The following KCTD8 variants were observed in gnomAD, a reference collection of about 807,000 sequenced individuals.
The protein encoded by KCTD8 is potassium channel tetramerization domain containing 8, also known as BTB/POZ domain-containing protein KCTD8.
KCTD8 carries 27 observed loss-of-function variants against 31.5 expected under a neutral mutation model. That is an observed-to-expected ratio of 0.86 (90% CI 0.63 to 1.18). The LOEUF is 1.18. Among genes scored for constraint, KCTD8 ranks in the 50% most tolerant of loss-of-function variants. The pLI is 0.00. For synonymous variants in KCTD8, 290 were observed against 280.0 expected (o/e 1.04, Z -0.36); for missense variants, 658 against 647.7 (o/e 1.02, Z -0.17).
intron 1 of KCTD8, among the ~76,000 whole-genome samples, chr4:44,328,921 T>C (rs1718522453): frequency 6.6e-6 from 1 of 151,902 alleles, no homozygotes; most frequent in Non-Finnish European, 1.5e-5. Context: ...CCAGTCCCCA[T>C]TCGGTAGACA....
chr4:44,203,622 G>A (rs1405150290), intron 1 of KCTD8, among the ~76,000 whole-genome samples: 1 of 150,018 alleles, frequency 6.7e-6, no homozygotes, highest in Admixed American at 6.7e-5. Context: ...ATGAAAGAAA[G>A]GCAGAAAATA....
chr4:44,432,700 A>C (rs12502623), intron 1 of KCTD8, among the ~76,000 whole-genome samples: 68,928 of 151,366 alleles, frequency 0.46, 17,128 homozygotes, highest in South Asian at 0.64. Context: ...GGTCAATCCC[A>C]TTATCTTCCC....
intron 1 of KCTD8, among the ~76,000 whole-genome samples, chr4:44,405,838 A>T (rs1720781529): frequency 6.6e-6 from 1 of 151,304 alleles, no homozygotes; most frequent in African/African-American, 2.4e-5. Context: ...AAAAAAAAAA[A>T]AAAAAGCAAT....
intron 1 of KCTD8, among the ~76,000 whole-genome samples, chr4:44,283,721 G>C (rs1716974338): frequency 6.6e-6 from 1 of 152,022 alleles, no homozygotes; most frequent in East Asian, 1.9e-4. Flanking sequence ...TTTATATTTA[G>C]AAAACTCCAT....
intron 1 of KCTD8, among the ~76,000 whole-genome samples, chr4:44,213,279 TG>T (rs1403302602): frequency 2.6e-5 from 4 of 152,172 alleles, no homozygotes; most frequent in Non-Finnish European, 1.5e-5. Flanking sequence ...ATTTTATTTT[TG>T]TTTCATATTT....
intron 1 of KCTD8, among the ~76,000 whole-genome samples, chr4:44,242,433 C>G (rs1715530918): frequency 6.6e-6 from 1 of 151,980 alleles, no homozygotes. Context: ...AAAAAATTAG[C>G]TGGGCGCGGT....
At chr4:44,304,466 C>A (rs1358455026) in intron 1 of KCTD8, among the ~76,000 whole-genome samples, 3 of 152,142 alleles carry the variant, frequency 2.0e-5, no homozygotes. Context: ...TCCACACTTA[C>A]TACGCCCCTG....
chr4:44,341,780 CA>C (rs1718904833), intron 1 of KCTD8, among the ~76,000 whole-genome samples: 1 of 152,140 alleles, frequency 6.6e-6, no homozygotes, highest in African/African-American at 2.4e-5. Context: ...CAACTTCTTC[CA>C]AACTCCTGTT....
At chr4:44,228,549 T>C (rs949413583) in intron 1 of KCTD8, among the ~76,000 whole-genome samples, 2 of 152,224 alleles carry the variant, frequency 1.3e-5, no homozygotes, top group African/African-American at 4.8e-5. Flanking sequence ...AACACAAGTT[T>C]TTCCTGCTTC....
chr4:44,406,508 T>G (rs550579448), intron 1 of KCTD8, among the ~76,000 whole-genome samples: 92 of 152,260 alleles, frequency 6.0e-4, no homozygotes, highest in African/African-American at 2.2e-3. Flanking sequence ...TGCCACCATG[T>G]AAGAAGTGCC....
intron 1 of KCTD8, among the ~76,000 whole-genome samples, chr4:44,307,599 C>A (rs1717839531): frequency 6.6e-6 from 1 of 151,910 alleles, no homozygotes; most frequent in South Asian, 2.1e-4. Context: ...GCTTTTATTT[C>A]TTTTTTAAGT....
chr4:44,363,482 C>T (rs896366289), intron 1 of KCTD8, among the ~76,000 whole-genome samples: 15 of 152,056 alleles, frequency 9.9e-5, no homozygotes, highest in African/African-American at 3.6e-4. Flanking sequence ...AGACAAGGAT[C>T]ACAGACTTGA....
intron 1 of KCTD8, among the ~76,000 whole-genome samples, chr4:44,367,325 C>T (rs1035404046): frequency 3.3e-5 from 5 of 152,104 alleles, no homozygotes; most frequent in Non-Finnish European, 5.9e-5. Flanking sequence ...GCCTGATACA[C>T]GGAAGGAATT....
chr4:44,376,067 T>G (rs941142105), intron 1 of KCTD8, among the ~76,000 whole-genome samples: 2 of 152,154 alleles, frequency 1.3e-5, no homozygotes, highest in African/African-American at 4.8e-5. Flanking sequence ...AATTATTGTT[T>G]CTCTGAAACA....
At chr4:44,269,680 A>G (rs1284202846) in intron 1 of KCTD8, among the ~76,000 whole-genome samples, 4 of 152,172 alleles carry the variant, frequency 2.6e-5, no homozygotes, top group African/African-American at 9.7e-5. Context: ...CAATGAACTC[A>G]AACAAATTTA....
chr4:44,222,673 T>C (rs964408046), intron 1 of KCTD8, among the ~76,000 whole-genome samples: 13 of 152,236 alleles, frequency 8.5e-5, no homozygotes, highest in African/African-American at 2.2e-4. Flanking sequence ...AATTATTTCC[T>C]GTGTCTAAGG....
intron 1 of KCTD8, among the ~76,000 whole-genome samples, chr4:44,399,775 A>T (rs1720599007): frequency 6.6e-6 from 1 of 152,212 alleles, no homozygotes; most frequent in African/African-American, 2.4e-5. Flanking sequence ...AGCGTTAATC[A>T]CACAACAAAA....
chr4:44,281,994 TA>T (rs2109379209), intron 1 of KCTD8, among the ~76,000 whole-genome samples: 1 of 152,194 alleles, frequency 6.6e-6, no homozygotes, highest in East Asian at 1.9e-4. Context: ...TATTCTAAAA[TA>T]AATGTAAAGT....
In KCTD8 at chr4:44,425,440, T is replaced by C. The variant is rs573985727; in HGVS notation, c.961+22123A>G. On this transcript the variant is annotated intron_variant, in intron 1 of 1. Coordinates refer to ENST00000360029, the MANE Select transcript of KCTD8 (RefSeq NM_198353.3). ...ACAAATCAGTTACTTTTTCATTTAATAAAAATAAGGAGATATTTCATTTTG... is the reference window on the plus strand; with the variant it reads ...ACAAATCAGTTACTTTTTCATTTAACAAAAATAAGGAGATATTTCATTTTG... 7.2e-5 allele frequency among the ~76,000 whole-genome samples: 11 copies of C among 152,150 alleles called. No individual in the cohort carries two copies. The South Asian group carries it at 2.3e-3, about 32-fold the overall frequency.
Sources: gnomAD v4.1 joint callset for allele counts (sites outside exome capture counted in the v4.1 genomes callset) on GRCh38, gnomAD v4.1.1 for gene constraint, MANE v1.5 for transcripts, NCBI Gene and HGNC (gene_info 2026-07-23, HGNC 2026-07-21) for gene names.